PPARD: variants seen among roughly 807,000 people sequenced by gnomAD.
PPARD encodes the protein peroxisome proliferator activated receptor delta.
A neutral mutation model predicts 39.5 loss-of-function variants in PPARD; 6 were observed. That is an observed-to-expected ratio of 0.15 (90% CI 0.08 to 0.30). The LOEUF is 0.30. Among genes scored for constraint, PPARD ranks in the 10% least tolerant of loss-of-function variants. The pLI is 1.00. For missense variants in PPARD, 397 were observed against 596.8 expected, an observed-to-expected ratio of 0.67 and a Z score of 3.49; for synonymous variants, 210 against 231.3, an observed-to-expected ratio of 0.91 and a Z score of 0.83.
intron 2 of PPARD, among the ~76,000 whole-genome samples, chr6:35,365,827 A>G (rs1388590048): frequency 6.6e-6 from 1 of 151,792 alleles, no homozygotes; most frequent in East Asian, 1.9e-4. Flanking sequence ...ATGAATGTGC[A>G]GGTGACTTCT....
intron 4 of PPARD, 94 bp from the exon 5 acceptor site, chr6:35,421,726 A>G (rs1437333519): frequency 1.5e-6 from 2 of 1,324,564 alleles, no homozygotes; most frequent in Non-Finnish European, 2.0e-6. Context: ...TCCAAATGTC[A>G]GGAGTGTTTA....
chr6:35,370,643 C>T (rs372139086), intron 2 of PPARD, among the ~76,000 whole-genome samples: 3 of 152,282 alleles, frequency 2.0e-5, no homozygotes, highest in Non-Finnish European at 2.9e-5. Context: ...GCCTGCTACC[C>T]GCCCATGGTG....
chr6:35,349,048 C>T (rs146308131), intron 2 of PPARD: 146 of 934,380 alleles, frequency 1.6e-4, no homozygotes, highest in Non-Finnish European at 1.7e-4. Context: ...TTTTTTGAGA[C>T]GGAGTCTCGC....
chr6:35,355,607 T>G (rs1389873516), intron 2 of PPARD, among the ~76,000 whole-genome samples: 7 of 107,220 alleles, frequency 6.5e-5, no homozygotes, highest in African/African-American at 2.9e-4. Flanking sequence ...TCTTTTTTTT[T>G]TTTTTTTTTT....
At chr6:35,347,276 C>T in intron 2 of PPARD, 126 bp downstream of exon 2, 2 of 1,170,578 alleles carry the variant, frequency 1.7e-6, no homozygotes, top group Non-Finnish European at 2.4e-6. Context: ...GTTCCTGTCA[C>T]AGCATCTGGT....
chr6:35,404,009 G>A (rs963662852), intron 2 of PPARD, among the ~76,000 whole-genome samples: 2 of 152,186 alleles, frequency 1.3e-5, no homozygotes, highest in East Asian at 3.9e-4. Flanking sequence ...GTCCAGAAGG[G>A]CTTTGACCAA....
intron 2 of PPARD, among the ~76,000 whole-genome samples, chr6:35,350,726 A>G (rs1312136894): frequency 7.5e-6 from 1 of 133,440 alleles, no homozygotes; most frequent in Non-Finnish European, 1.5e-5. Context: ...CCCGTGTTCG[A>G]GCAGTTCTCC....
At chr6:35,405,773 G>A (rs1171073321) in intron 2 of PPARD, among the ~76,000 whole-genome samples, 1 of 151,540 alleles carries the variant, frequency 6.6e-6, no homozygotes, top group African/African-American at 2.4e-5. Flanking sequence ...GGGATTACAG[G>A]CGTGCGCCAC....
At chr6:35,360,870 A>G (rs981770034) in intron 2 of PPARD, among the ~76,000 whole-genome samples, 1 of 152,190 alleles carries the variant, frequency 6.6e-6, no homozygotes, top group South Asian at 2.1e-4. Context: ...GGCGCTAGAA[A>G]TCAGAAGAGG....
At chr6:35,403,369 T>G (rs1455584946) in intron 2 of PPARD, among the ~76,000 whole-genome samples, 2 of 152,188 alleles carry the variant, frequency 1.3e-5, no homozygotes, top group Admixed American at 1.3e-4. Flanking sequence ...AGTTTTAATG[T>G]CTTCCCCAAG....
At chr6:35,422,542 C>T (rs1255252810) in intron 5 of PPARD, among the ~76,000 whole-genome samples, 1 of 152,182 alleles carries the variant, frequency 6.6e-6, no homozygotes, top group African/African-American at 2.4e-5. Flanking sequence ...CCACCTGTCC[C>T]CTCAGTACCT....
rs2150874362 is a variant in PPARD, at chr6:35,427,452, C to A, written c.*1373C>A. On this transcript the variant is annotated 3_prime_UTR_variant, in exon 8 of 8. Transcript: ENST00000360694. ...CTTCCCGGGATAAACTGAGCCTGTTCATTCTGATGTCCATTTGTCCCAATA... is the reference window on the plus strand; with the variant it reads ...CTTCCCGGGATAAACTGAGCCTGTTAATTCTGATGTCCATTTGTCCCAATA... 1 of 152,538 alleles carries A rather than the reference C, an allele frequency of 6.6e-6. No individual in the cohort carries two copies. The highest frequency in any genetic ancestry group is 3.4e-3 in the Middle Eastern group (1 of 298). 9.4% of individuals were successfully genotyped at this position (152,538 alleles called of 1,614,324 possible).
chr6:35,410,149 G>A (rs988566220), intron 2 of PPARD, among the ~76,000 whole-genome samples: 2 of 152,212 alleles, frequency 1.3e-5, no homozygotes, highest in African/African-American at 4.8e-5. Context: ...ATATCTGAGA[G>A]TTGGGGTCCC....
intron 2 of PPARD, among the ~76,000 whole-genome samples, chr6:35,369,446 A>G (rs1181276304): frequency 6.6e-6 from 1 of 152,192 alleles, no homozygotes; most frequent in East Asian, 1.9e-4. Context: ...ATTAGCGTGC[A>G]TTCCCGCCTC....
rs72894719 is a variant in PPARD at position 35,409,075 on chromosome 6, C to G, written c.-101-1912C>G. Among the ~76,000 whole-genome samples the G allele has an allele frequency of 6.7e-3, 1,013 of 152,170 alleles. 14 individuals carry two copies. The highest frequency in any genetic ancestry group is 0.01 in the Non-Finnish European group (698 of 68,012). On this transcript the variant is annotated intron_variant, in intron 2 of 7. Transcript: ENST00000360694. ...GTGACCTTTTCCAGGTTTTCCCACT[C>G]TAATGATTTGGAAATCATACATCGG...
At chr6:35,369,285 T>G (rs1001714024) in intron 2 of PPARD, among the ~76,000 whole-genome samples, 4 of 152,214 alleles carry the variant, frequency 2.6e-5, no homozygotes, top group African/African-American at 9.6e-5. Context: ...TGAATGTTAC[T>G]TTTTAGCAGT....
At chr6:35,413,012 G>A (rs928730068) in intron 3 of PPARD, among the ~76,000 whole-genome samples, 3 of 152,152 alleles carry the variant, frequency 2.0e-5, no homozygotes, top group Non-Finnish European at 4.4e-5. Context: ...GAGAAGAGAC[G>A]GCCACAGGGT....
intron 2 of PPARD, among the ~76,000 whole-genome samples, chr6:35,377,564 G>T (rs1762881386): frequency 6.6e-6 from 1 of 152,166 alleles, no homozygotes; most frequent in African/African-American, 2.4e-5. Flanking sequence ...CTTGGAACCT[G>T]TCTTTTCATA....
chr6:35,348,100 G>C (rs1760992148), intron 2 of PPARD, among the ~76,000 whole-genome samples: 1 of 151,656 alleles, frequency 6.6e-6, no homozygotes, highest in Non-Finnish European at 1.5e-5. Flanking sequence ...TAGAGACGGG[G>C]TTTCACCATG....
Sources: allele counts gnomAD v4.1 joint callset (sites outside exome capture counted in the v4.1 genomes callset), GRCh38; gene constraint gnomAD v4.1.1; transcripts MANE v1.5; gene names NCBI Gene and HGNC (gene_info 2026-07-23, HGNC 2026-07-21).